Variants in CNIH3 observed in about 807,000 individuals in gnomAD.
The protein encoded by CNIH3 is cornichon family AMPA receptor auxiliary protein 3.
CNIH3 carries 14 observed loss-of-function variants against 24.1 expected under a neutral mutation model. The ratio of observed to expected loss-of-function variants is 0.58; its 90% CI spans 0.38 to 0.91. CNIH3 has a LOEUF of 0.91. Ranked by LOEUF, CNIH3 falls within the 40% of genes least tolerant of loss-of-function variation. The probability of loss-of-function intolerance (pLI) is 0.00; values close to 1 mark genes in which losing one functional copy is unlikely to be tolerated. For missense variants in CNIH3, 178 were observed against 196.8 expected (o/e 0.90, Z 0.57); for synonymous variants, 68 against 73.8 (o/e 0.92, Z 0.40).
intron 1 of CNIH3, among the ~76,000 whole-genome samples, chr1:224,671,731 A>G (rs10495223): frequency 0.22 from 32,881 of 152,210 alleles, 3,607 homozygotes; most frequent in East Asian, 0.26. Context: ...ATCTGGCATT[A>G]CACTTTTTAG....
intron 5 of CNIH3, 65 bp from the exon 6 acceptor site, chr1:224,739,264 C>A: frequency 6.4e-7 from 1 of 1,572,534 alleles, no homozygotes; most frequent in Non-Finnish European, 8.6e-7. Flanking sequence ...CAGCCTGAGT[C>A]CTCTGTGGGC....
downstream of CNIH3, among the ~76,000 whole-genome samples, chr1:224,539,591 G>A (rs1572439491): frequency 6.6e-6 from 1 of 152,118 alleles, no homozygotes; most frequent in South Asian, 2.1e-4. Context: ...AACGCTCTAG[G>A]ATTCAGTCCC....
chr1:224,642,012 T>C (rs142483176), intron 1 of CNIH3, among the ~76,000 whole-genome samples: 79 of 152,350 alleles, frequency 5.2e-4, no homozygotes, highest in African/African-American at 1.8e-3. Context: ...CAGACTGTAA[T>C]TCCTGCCCTT....
intron 3 of CNIH3, among the ~76,000 whole-genome samples, chr1:224,597,696 T>G (rs1682044137): frequency 6.6e-6 from 1 of 152,270 alleles, no homozygotes; most frequent in Non-Finnish European, 1.5e-5. Context: ...GTGCATCTCT[T>G]CATCTGTATC....
At chr1:224,685,212 G>A (rs767938164) in intron 3 of CNIH3, among the ~76,000 whole-genome samples, 4 of 152,174 alleles carry the variant, frequency 2.6e-5, no homozygotes, top group Non-Finnish European at 4.4e-5. Context: ...GCCGACCTTG[G>A]GAAGTTTTTA....
chr1:224,504,398 G>T (rs1677810199), intron 1 of CNIH3, among the ~76,000 whole-genome samples: 1 of 152,180 alleles, frequency 6.6e-6, no homozygotes, highest in African/African-American at 2.4e-5. Flanking sequence ...TTCTTATGCA[G>T]ACTGGCTGAA....
At chr1:224,598,447 AAC>A (rs1481492168) in intron 3 of CNIH3, among the ~76,000 whole-genome samples, 5 of 152,220 alleles carry the variant, frequency 3.3e-5, no homozygotes, top group African/African-American at 1.2e-4. Context: ...ATATTACATA[AAC>A]TTGGTTAATA....
At chr1:224,705,806 T>G (rs961414820) in intron 3 of CNIH3, among the ~76,000 whole-genome samples, 3 of 152,042 alleles carry the variant, frequency 2.0e-5, no homozygotes, top group Admixed American at 6.5e-5. Context: ...TTCCTTCACT[T>G]TTTTTTCTCT....
chr1:224,538,364 A>G (rs1416846589), downstream of CNIH3, among the ~76,000 whole-genome samples: 1 of 152,192 alleles, frequency 6.6e-6, no homozygotes, highest in Non-Finnish European at 1.5e-5. Flanking sequence ...TTTTGGCACC[A>G]TAACTGTCTG....
In CNIH3 at chr1:224,616,369, C is replaced by T; in HGVS notation, c.-806C>T. On this transcript the variant is annotated 5_prime_UTR_variant, in exon 1 of 6. Transcript: ENST00000272133. ...GCGGCAGCGGCAGCAGCAGGTGGAGCGAGCTACAGCGTTTGGCCTGAAACC... is the reference window on the plus strand; with the variant it reads ...GCGGCAGCGGCAGCAGCAGGTGGAGTGAGCTACAGCGTTTGGCCTGAAACC... The T allele has an allele frequency of 3.0e-6, 2 of 668,058 alleles. No homozygotes were observed. The highest frequency in any genetic ancestry group is 3.8e-6 in the Non-Finnish European group (2 of 523,328). The allele number at this position is 668,058 out of a possible 1,614,324, so 41.4% of individuals were successfully genotyped here. A position where few individuals can be genotyped will look rare whatever the true frequency, so the allele number is the denominator to read the frequency against.
At chr1:224,625,115 G>A (rs1159335107) in intron 1 of CNIH3, among the ~76,000 whole-genome samples, 4 of 152,194 alleles carry the variant, frequency 2.6e-5, no homozygotes, top group Non-Finnish European at 5.9e-5. Context: ...GCATGGGGCA[G>A]TATGGTGGGA....
intron 1 of CNIH3, among the ~76,000 whole-genome samples, chr1:224,449,227 G>T (rs1167995908): frequency 1.3e-5 from 2 of 151,970 alleles, no homozygotes; most frequent in Non-Finnish European, 2.9e-5. Flanking sequence ...GCCTCCCAAA[G>T]TGCTGGGATT....
chr1:224,653,542 A>G (rs298730), intron 1 of CNIH3, among the ~76,000 whole-genome samples: 87,728 of 152,002 alleles, frequency 0.58, 27,334 homozygotes, highest in African/African-American at 0.81. Flanking sequence ...GGAGCAATGG[A>G]GTTTTGGGTA....
chr1:224,499,494 A>G (rs563542627), intron 1 of CNIH3, among the ~76,000 whole-genome samples: 3 of 152,050 alleles, frequency 2.0e-5, no homozygotes, highest in Non-Finnish European at 4.4e-5. Flanking sequence ...CTTCCAGTCT[A>G]TCTTTCATCC....
intron 1 of CNIH3, among the ~76,000 whole-genome samples, chr1:224,666,692 C>T (rs559933027): frequency 1.1e-4 from 17 of 152,326 alleles, no homozygotes; most frequent in Non-Finnish European, 1.5e-5. Context: ...TTGGGTACAA[C>T]ATGGAGGCTA....
At chr1:224,633,090 G>A (rs1304501177) in intron 1 of CNIH3, among the ~76,000 whole-genome samples, 1 of 152,120 alleles carries the variant, frequency 6.6e-6, no homozygotes, top group East Asian at 1.9e-4. Context: ...TCCTGTCGTG[G>A]TTTGTCTCTT....
chr1:224,591,899 A>G (rs563935366), downstream of CNIH3, among the ~76,000 whole-genome samples: 1 of 152,384 alleles, frequency 6.6e-6, no homozygotes, highest in South Asian at 2.1e-4. Flanking sequence ...GAATTAAAAA[A>G]GAGTGCAAGG....
chr1:224,441,173 A>G (rs1674895424), intron 1 of CNIH3, among the ~76,000 whole-genome samples: 1 of 152,140 alleles, frequency 6.6e-6, no homozygotes, highest in African/African-American at 2.4e-5. Flanking sequence ...GATTGTATAT[A>G]ATTTTTCTTT....
intron 3 of CNIH3, among the ~76,000 whole-genome samples, chr1:224,556,369 G>T (rs1680140812): frequency 6.6e-6 from 1 of 152,156 alleles, no homozygotes; most frequent in Non-Finnish European, 1.5e-5. Context: ...TTAGTAAAAT[G>T]ATAGTAATAG....
Sources: allele counts gnomAD v4.1 joint callset (sites outside exome capture counted in the v4.1 genomes callset), GRCh38; gene constraint gnomAD v4.1.1; transcripts MANE v1.5; gene names NCBI Gene and HGNC (gene_info 2026-07-23, HGNC 2026-07-21).